INPP4B: variants seen among roughly 807,000 people sequenced by gnomAD.
INPP4B encodes inositol polyphosphate 4-phosphatase type II.
A neutral mutation model predicts 122.5 loss-of-function variants in INPP4B; 55 were observed. That is an observed-to-expected ratio of 0.45 (90% CI 0.36 to 0.56). The LOEUF is 0.56. Ranked by LOEUF, INPP4B falls within the 20% of genes least tolerant of loss-of-function variation. The probability of loss-of-function intolerance (pLI) is 0.00; values close to 1 mark genes in which losing one functional copy is unlikely to be tolerated. For synonymous variants in INPP4B, 403 were observed against 388.7 expected (o/e 1.04, Z -0.43); for missense variants, 1,000 against 1,097.7 (o/e 0.91, Z 1.26).
At chr4:142,515,787 C>T (rs1250660999) in intron 2 of INPP4B, among the ~76,000 whole-genome samples, 1 of 152,058 alleles carries the variant, frequency 6.6e-6, no homozygotes, top group Non-Finnish European at 1.5e-5. Flanking sequence ...TGAATGCAGG[C>T]CTTCTAAACT....
intron 9 of INPP4B, among the ~76,000 whole-genome samples, chr4:142,284,865 A>G (rs916381377): frequency 1.3e-5 from 2 of 152,164 alleles, no homozygotes; most frequent in African/African-American, 4.8e-5. Context: ...GGGCTTAGCC[A>G]CAGTTTTTGT....
At chr4:142,034,664 C>T (rs761836208) in intron 25 of INPP4B, among the ~76,000 whole-genome samples, 4 of 152,000 alleles carry the variant, frequency 2.6e-5, no homozygotes, top group African/African-American at 9.7e-5. Flanking sequence ...CACACCGGAC[C>T]CCTTCCCTTG....
At chr4:142,787,051 G>A (rs535933039) in intron 1 of INPP4B, among the ~76,000 whole-genome samples, 5 of 152,056 alleles carry the variant, frequency 3.3e-5, no homozygotes, top group African/African-American at 7.2e-5. Flanking sequence ...TATATCAAAT[G>A]TTAAAAATAA....
At chr4:142,210,264 G>C (rs1182689449) in intron 12 of INPP4B, among the ~76,000 whole-genome samples, 1 of 152,172 alleles carries the variant, frequency 6.6e-6, no homozygotes. Context: ...AATGTGACTT[G>C]CTTTCAAATG....
intron 2 of INPP4B, among the ~76,000 whole-genome samples, chr4:142,571,492 A>C (rs1424837618): frequency 6.6e-6 from 1 of 152,158 alleles, no homozygotes; most frequent in Non-Finnish European, 1.5e-5. Flanking sequence ...TAATGATTAT[A>C]TATAATCATA....
intron 12 of INPP4B, among the ~76,000 whole-genome samples, chr4:142,229,579 C>A (rs530666287): frequency 6.6e-6 from 1 of 152,060 alleles, no homozygotes; most frequent in African/African-American, 2.4e-5. Flanking sequence ...CCTGAAAATG[C>A]CAATGTTTTG....
intron 22 of INPP4B, among the ~76,000 whole-genome samples, chr4:142,111,065 T>C (rs939828815): frequency 6.6e-6 from 1 of 152,036 alleles, no homozygotes; most frequent in Non-Finnish European, 1.5e-5. Flanking sequence ...CTGAGACAAA[T>C]ATATATATAG....
chr4:142,475,507 G>A (rs905339692), intron 2 of INPP4B, among the ~76,000 whole-genome samples: 8 of 152,070 alleles, frequency 5.3e-5, no homozygotes, highest in Non-Finnish European at 1.0e-4. Flanking sequence ...TGGCTGAAAT[G>A]TCAGAAATAG....
intron 7 of INPP4B, among the ~76,000 whole-genome samples, chr4:142,356,749 C>CAGAG (rs574684052): frequency 2.0e-5 from 3 of 151,608 alleles, no homozygotes; most frequent in Non-Finnish European, 2.9e-5. Flanking sequence ...TTTGGGTGAT[C>CAGAG]AGAGGGTCTT....
chr4:142,114,420 G>T (rs1301566752), intron 21 of INPP4B, among the ~76,000 whole-genome samples: 3 of 151,960 alleles, frequency 2.0e-5, no homozygotes, highest in East Asian at 1.9e-4. Context: ...AGGGTTCCAG[G>T]TTTTCCACAT....
chr4:142,817,039 T>G (rs1780196653), intron 1 of INPP4B, among the ~76,000 whole-genome samples: 1 of 152,142 alleles, frequency 6.6e-6, no homozygotes, highest in Admixed American at 6.6e-5. Flanking sequence ...GATATAAGAA[T>G]GGTTTCAGTT....
chr4:142,739,079 C>A (rs1007422887), intron 1 of INPP4B, among the ~76,000 whole-genome samples: 1 of 151,974 alleles, frequency 6.6e-6, no homozygotes, highest in East Asian at 1.9e-4. Context: ...AACATAATAA[C>A]AAAATAAAAC....
chr4:142,335,007 T>C (rs1776071454), intron 7 of INPP4B, among the ~76,000 whole-genome samples: 1 of 148,844 alleles, frequency 6.7e-6, no homozygotes, highest in Non-Finnish European at 1.5e-5. Flanking sequence ...AACACTCCCC[T>C]GAAAGCCAGC....
At chr4:142,058,018 AC>A (rs539144041) in intron 25 of INPP4B, among the ~76,000 whole-genome samples, 243 of 152,044 alleles carry the variant, frequency 1.6e-3, no homozygotes, top group Non-Finnish European at 2.7e-3. Flanking sequence ...TGCCTCCCCT[AC>A]TATACCGGAG....
At chr4:142,497,230 A>G (rs1005325740) in intron 2 of INPP4B, among the ~76,000 whole-genome samples, 6 of 152,150 alleles carry the variant, frequency 3.9e-5, no homozygotes, top group Non-Finnish European at 8.8e-5. Context: ...GGTTGTAACT[A>G]ATGTGAGGTG....
chr4:142,538,997 AG>A (rs1341475066), intron 2 of INPP4B, among the ~76,000 whole-genome samples: 1 of 151,672 alleles, frequency 6.6e-6, no homozygotes, highest in Non-Finnish European at 1.5e-5. Flanking sequence ...TATTTGTACA[AG>A]ACAATGAAAA....
chr4:142,129,969 T>C (rs3775656), intron 18 of INPP4B, among the ~76,000 whole-genome samples: 18,077 of 152,000 alleles, frequency 0.12, 1,221 homozygotes, highest in East Asian at 0.24. Context: ...GAGCTAAAAT[T>C]GAGAAGGAAA....
intron 18 of INPP4B, among the ~76,000 whole-genome samples, chr4:142,134,685 T>C (rs962297710): frequency 6.6e-6 from 1 of 150,510 alleles, no homozygotes; most frequent in Non-Finnish European, 1.5e-5. Context: ...TAATCCCAGC[T>C]GGTTGGGAGG....
chr4:142,735,402 T>C (rs1015332835), intron 1 of INPP4B, among the ~76,000 whole-genome samples: 21 of 152,188 alleles, frequency 1.4e-4, no homozygotes, highest in Non-Finnish European at 8.8e-5. Context: ...ATTATCATTA[T>C]TGTAATAATA....
Sources: gnomAD v4.1 joint callset for allele counts (sites outside exome capture counted in the v4.1 genomes callset) on GRCh38, gnomAD v4.1.1 for gene constraint, MANE v1.5 for transcripts, NCBI Gene and HGNC (gene_info 2026-07-23, HGNC 2026-07-21) for gene names.